HECW2: variants seen among roughly 807,000 people sequenced by gnomAD.
HECW2 encodes E3 ubiquitin-protein ligase HECW2.
A neutral mutation model predicts 175.2 loss-of-function variants in HECW2; 61 were observed. The observed-to-expected ratio is 0.35, with a 90% CI of 0.28 to 0.43. The LOEUF (loss-of-function observed/expected upper bound fraction) is 0.43. Among genes scored for constraint, HECW2 ranks in the 20% least tolerant of loss-of-function variants. HECW2 has a pLI of 1.00. For synonymous variants in HECW2, 671 were observed against 731.0 expected (o/e 0.92, Z 1.32); for missense variants, 1,524 against 2,000.5 (o/e 0.76, Z 4.54).
chr2:196,307,064 G>T lies in HECW2; in HGVS notation c.2689+66C>A. ...CTCCAAAAGAAAAGCCTTACTTGTT[G>T]GGAATCCTTATTTGCTTCTTTTTCC... On this transcript the variant is annotated intron_variant, in intron 12 of 28. Transcript: ENST00000644978. 8 of 1,110,176 alleles carry T rather than the reference G, an allele frequency of 7.2e-6. No homozygotes were observed. In the South Asian group the frequency reaches 7.9e-5, roughly 11 times the overall value. 68.8% of individuals were successfully genotyped at this position (1,110,176 alleles called of 1,614,324 possible). A position where few individuals can be genotyped will look rare whatever the true frequency, so the allele number is the denominator to read the frequency against.
At chr2:196,491,434 TACAC>T (rs1188358579) in intron 1 of HECW2, among the ~76,000 whole-genome samples, 7 of 142,880 alleles carry the variant, frequency 4.9e-5, no homozygotes, top group African/African-American at 1.8e-4. Context: ...TGTGTGTATA[TACAC>T]ACATATATAC....
At chr2:196,231,296 T>C (rs1432779196) in intron 21 of HECW2, among the ~76,000 whole-genome samples, 1 of 152,154 alleles carries the variant, frequency 6.6e-6, no homozygotes, top group Non-Finnish European at 1.5e-5. Context: ...TTGTATCACA[T>C]GAAAACTGCA....
chr2:196,300,998 A>G (rs1011172449), intron 13 of HECW2, among the ~76,000 whole-genome samples: 1 of 152,030 alleles, frequency 6.6e-6, no homozygotes, highest in Non-Finnish European at 1.5e-5. Flanking sequence ...CCCAGCATCC[A>G]TTAACTATTA....
At chr2:196,559,000 A>G (rs1689902192) in intron 1 of HECW2, among the ~76,000 whole-genome samples, 1 of 152,228 alleles carries the variant, frequency 6.6e-6, no homozygotes, top group Non-Finnish European at 1.5e-5. Flanking sequence ...ATCTCATTAG[A>G]GTCTCACAAC....
rs557666434 is a variant in HECW2, at chr2:196,235,336, G to A, written c.3764+5113C>T. Among the ~76,000 whole-genome samples, 14 of 151,984 alleles carry A rather than the reference G, an allele frequency of 9.2e-5. No homozygotes were observed. The East Asian group carries it at 2.5e-3, about 27-fold the overall frequency. ...AGGATGGTCTCAATCTCCTGACCTCGTGATCTGCCTGCCTCAGCCTCCCAA... is the reference window on the plus strand; with the variant it reads ...AGGATGGTCTCAATCTCCTGACCTCATGATCTGCCTGCCTCAGCCTCCCAA... On this transcript the variant is annotated intron_variant, in intron 21 of 28. Transcript: ENST00000644978.
At chr2:196,499,308 T>TAA (rs113064018) in intron 1 of HECW2, among the ~76,000 whole-genome samples, 2 of 134,542 alleles carry the variant, frequency 1.5e-5, no homozygotes, top group African/African-American at 2.7e-5. Flanking sequence ...ACAAACTTCT[T>TAA]AAAAAAAAAA....
chr2:196,220,270 G>A (rs1687618539), intron 25 of HECW2, 117 bp from the exon 26 acceptor site: 6 of 671,666 alleles, frequency 8.9e-6, no homozygotes, highest in South Asian at 1.7e-5. Flanking sequence ...TGTACCTTGT[G>A]TTGGCACTTG....
At chr2:196,274,633 T>G (rs1329978662) in intron 15 of HECW2, among the ~76,000 whole-genome samples, 1 of 152,194 alleles carries the variant, frequency 6.6e-6, no homozygotes, top group Non-Finnish European at 1.5e-5. Context: ...AGTTAGTGTA[T>G]TATCTCCTCA....
chr2:196,352,036 C>T (rs1693187837), intron 2 of HECW2, among the ~76,000 whole-genome samples: 1 of 152,228 alleles, frequency 6.6e-6, no homozygotes, highest in Non-Finnish European at 1.5e-5. Flanking sequence ...GGTGGGTCTT[C>T]ACAACTGAAT....
At chr2:196,323,923 T>G (rs865866718) in intron 6 of HECW2, among the ~76,000 whole-genome samples, 3,157 of 147,860 alleles carry the variant, frequency 0.021, 82 homozygotes, top group African/African-American at 0.048. Flanking sequence ...TTGTTTGTTT[T>G]TTTTTTTTTT....
At position 196,201,218 on chromosome 2, in the gene HECW2, C is replaced by G; in HGVS notation, c.*59G>C. The G allele has an allele frequency of 9.3e-7, 1 of 1,075,868 alleles. No individual in the cohort carries two copies. The highest frequency in any genetic ancestry group is 1.5e-6 in the Non-Finnish European group (1 of 689,652). The allele number at this position is 1,075,868 out of a possible 1,614,324, so 66.6% of individuals were successfully genotyped here. ...TTGAAACTTCCAATGTTCAATCATTCTTCTAGAAGGCAGCTTCTGAACCTG... is the reference window on the plus strand; with the variant it reads ...TTGAAACTTCCAATGTTCAATCATTGTTCTAGAAGGCAGCTTCTGAACCTG... On this transcript the variant is annotated 3_prime_UTR_variant, in exon 29 of 29. Transcript: ENST00000644978.
intron 2 of HECW2, among the ~76,000 whole-genome samples, chr2:196,371,242 T>C (rs1273107788): frequency 6.6e-6 from 1 of 152,242 alleles, no homozygotes; most frequent in Admixed American, 6.5e-5. Context: ...TGTACACGTA[T>C]AGGTACATGT....
intron 1 of HECW2, among the ~76,000 whole-genome samples, chr2:196,468,278 A>G (rs1036761455): frequency 2.0e-5 from 3 of 152,254 alleles, no homozygotes; most frequent in African/African-American, 7.2e-5. Flanking sequence ...TACAGGCATC[A>G]GCTACCGTGC....
At chr2:196,325,280 T>A in intron 5 of HECW2, 131 bp from the exon 6 acceptor site, 1 of 490,440 alleles carries the variant, frequency 2.0e-6, no homozygotes, top group Non-Finnish European at 3.4e-6. Context: ...AACAAGCAGC[T>A]CAAAGATAAT....
At chr2:196,273,288 T>C (rs4850389) in intron 16 of HECW2, among the ~76,000 whole-genome samples, 149,971 of 152,156 alleles carry the variant, frequency 0.99, 73,949 homozygotes, top group Middle Eastern at 1. Flanking sequence ...AGGATGGTCT[T>C]GATCTGTCGA....
At chr2:196,218,832 A>C (rs1477395143) in intron 26 of HECW2, among the ~76,000 whole-genome samples, 1 of 152,216 alleles carries the variant, frequency 6.6e-6, no homozygotes, top group Non-Finnish European at 1.5e-5. Context: ...ATAACCAAAG[A>C]GATACATGGA....
chr2:196,520,527 T>A (rs369152170), intron 1 of HECW2, among the ~76,000 whole-genome samples: 1 of 152,218 alleles, frequency 6.6e-6, no homozygotes, highest in African/African-American at 2.4e-5. Context: ...GGTTGCATAT[T>A]TGTTTTTACA....
Position 196,225,752 on chromosome 2 carries a change from G to A in HECW2, c.4016+20C>T. On this transcript the variant is annotated intron_variant, in intron 23 of 28. Transcript: ENST00000644978. ...CTGCATTTTACATGCTAATTATGCA[G>A]GCAATAAAAATATTCTTACATTCTG... The A allele has an allele frequency of 7.0e-7, 1 of 1,430,262 alleles. No homozygotes were observed. The highest frequency in any genetic ancestry group is 9.9e-7 in the Non-Finnish European group (1 of 1,013,524). The allele number at this position is 1,430,262 out of a possible 1,614,324, so 88.6% of individuals were successfully genotyped here.
At chr2:196,520,433 C>A (rs1688320662) in intron 1 of HECW2, among the ~76,000 whole-genome samples, 1 of 152,166 alleles carries the variant, frequency 6.6e-6, no homozygotes, top group Non-Finnish European at 1.5e-5. Flanking sequence ...GTTGCAATTG[C>A]CGCAGGAAAA....
Sources: gnomAD v4.1 joint callset for allele counts (sites outside exome capture counted in the v4.1 genomes callset) on GRCh38, gnomAD v4.1.1 for gene constraint, MANE v1.5 for transcripts, NCBI Gene and HGNC (gene_info 2026-07-23, HGNC 2026-07-21) for gene names.